The following KLF13 variants were observed in gnomAD, a reference collection of about 807,000 sequenced individuals.
KLF13 encodes the protein KLF transcription factor 13.
KLF13 carries 8 observed loss-of-function variants against 16.7 expected under a neutral mutation model. The ratio of observed to expected loss-of-function variants is 0.48; its 90% CI spans 0.28 to 0.87. KLF13 has a LOEUF of 0.87. Among genes scored for constraint, KLF13 ranks in the 40% least tolerant of loss-of-function variants. The pLI, the probability that KLF13 is intolerant of heterozygous loss-of-function variation, is 0.10. For synonymous variants in KLF13, 245 were observed against 208.4 expected, an observed-to-expected ratio of 1.18 and a Z score of -1.51; for missense variants, 447 against 452.2, an observed-to-expected ratio of 0.99 and a Z score of 0.10.
chr15:31,339,923 G>A, intron 1 of KLF13: 2 of 702,186 alleles, frequency 2.8e-6, no homozygotes, highest in Non-Finnish European at 5.2e-6. Context: ...ATTTCACTGG[G>A]CTTCCCTGCT....
chr15:31,351,816 T>C (rs906929088), intron 1 of KLF13, among the ~76,000 whole-genome samples: 1 of 152,102 alleles, frequency 6.6e-6, no homozygotes, highest in Non-Finnish European at 1.5e-5. Flanking sequence ...TCAAGACTAC[T>C]GGCCTGGCCA....
intron 1 of KLF13, among the ~76,000 whole-genome samples, chr15:31,353,940 G>A (rs1315239703): frequency 6.6e-6 from 1 of 152,204 alleles, no homozygotes; most frequent in East Asian, 1.9e-4. Context: ...CCACAGCCCT[G>A]CCTAGCTTGA....
At position 31,377,377 on chromosome 15, in the gene KLF13, C is replaced by T. The variant is rs982022011; in HGVS notation, c.*5078C>T. The T allele has an allele frequency of 3.3e-5, 5 of 152,648 alleles. No individual in the cohort carries two copies. In the East Asian group the frequency reaches 9.6e-4, roughly 29 times the overall value. 9.5% of individuals were successfully genotyped at this position (152,648 alleles called of 1,614,324 possible). On this transcript the variant is annotated 3_prime_UTR_variant, in exon 2 of 2. Transcript: ENST00000307145. Reference sequence around the variant, plus strand: ...AAGCCTCAGCAGAAAGGAGGCACTACTGAGCAACTATGCATTGTCATTGTC... The same window carrying T: ...AAGCCTCAGCAGAAAGGAGGCACTATTGAGCAACTATGCATTGTCATTGTC...
At chr15:31,397,255 C>T (rs2039965917) in intron 2 of KLF13, among the ~76,000 whole-genome samples, 1 of 123,944 alleles carries the variant, frequency 8.1e-6, no homozygotes. Flanking sequence ...GCGGGCAGGG[C>T]AGGGCAGGGC....
intron 2 of KLF13, among the ~76,000 whole-genome samples, chr15:31,396,046 A>ACGGAGTTT (rs2039947689): frequency 6.6e-6 from 1 of 151,796 alleles, no homozygotes; most frequent in Non-Finnish European, 1.5e-5. Context: ...TTTTTTTGAG[A>ACGGAGTTT]CGGAGTTTCG....
chr15:31,398,417 G>A (rs566081956), intron 2 of KLF13, among the ~76,000 whole-genome samples: 4 of 152,324 alleles, frequency 2.6e-5, no homozygotes, highest in Admixed American at 2.6e-4. Context: ...TGTAGTGGCT[G>A]GGAGCAGAGC....
intron 1 of KLF13, among the ~76,000 whole-genome samples, chr15:31,342,698 T>C (rs945030455): frequency 6.6e-6 from 1 of 152,244 alleles, no homozygotes; most frequent in Non-Finnish European, 1.5e-5. Flanking sequence ...TGCGGATATA[T>C]GTATTTTTTT....
intron 1 of KLF13, among the ~76,000 whole-genome samples, chr15:31,331,144 C>T (rs1353594510): frequency 6.6e-6 from 1 of 152,228 alleles, no homozygotes; most frequent in Non-Finnish European, 1.5e-5. Flanking sequence ...GTTTTCAAAA[C>T]TGCTCTGTGC....
At chr15:31,359,323 T>C (rs797007034) in intron 1 of KLF13, among the ~76,000 whole-genome samples, 68 of 152,314 alleles carry the variant, frequency 4.5e-4, no homozygotes, top group African/African-American at 1.5e-3. Flanking sequence ...AACGGAAATT[T>C]TCAAGTGTGT....
intron 1 of KLF13, among the ~76,000 whole-genome samples, chr15:31,361,408 G>A (rs143592911): frequency 3.3e-5 from 5 of 152,288 alleles, no homozygotes; most frequent in Non-Finnish European, 7.4e-5. Context: ...CCTGTCTTCC[G>A]GGTTGGTAGA....
chr15:31,334,124 T>G (rs2038885679), intron 1 of KLF13, among the ~76,000 whole-genome samples: 1 of 152,198 alleles, frequency 6.6e-6, no homozygotes, highest in Non-Finnish European at 1.5e-5. Flanking sequence ...GCTTTTGAAG[T>G]CAAAGGACCA....
intron 1 of KLF13, among the ~76,000 whole-genome samples, chr15:31,413,407 A>G (rs554147756): frequency 5.3e-5 from 8 of 152,292 alleles, no homozygotes; most frequent in African/African-American, 1.9e-4. Context: ...AAATTAGAAA[A>G]GATTTACGAA....
At chr15:31,364,266 G>A (rs762440405) in intron 1 of KLF13, among the ~76,000 whole-genome samples, 26 of 152,166 alleles carry the variant, frequency 1.7e-4, no homozygotes, top group Non-Finnish European at 3.7e-4. Flanking sequence ...AAATATCTTC[G>A]CAAGCATTGT....
At chr15:31,424,438 T>A (rs577457595) in intron 1 of KLF13, among the ~76,000 whole-genome samples, 1 of 152,190 alleles carries the variant, frequency 6.6e-6, no homozygotes, top group South Asian at 2.1e-4. Flanking sequence ...CAATGTAATA[T>A]CACATTAAAA....
At chr15:31,383,668 A>C (rs534913922) in intron 1 of KLF13, among the ~76,000 whole-genome samples, 1 of 152,366 alleles carries the variant, frequency 6.6e-6, no homozygotes, top group East Asian at 1.9e-4. Flanking sequence ...TGGGAGGCCA[A>C]GGCGGGCAGA....
chr15:31,423,430 G>A (rs2040368461), intron 1 of KLF13, among the ~76,000 whole-genome samples: 2 of 151,692 alleles, frequency 1.3e-5, no homozygotes, highest in South Asian at 4.2e-4. Flanking sequence ...TCAGGAGTTC[G>A]AGACCAGGCT....
intron 1 of KLF13, among the ~76,000 whole-genome samples, chr15:31,357,444 C>T (rs573781074): frequency 5.7e-4 from 87 of 152,360 alleles, no homozygotes; most frequent in Non-Finnish European, 9.8e-4. Flanking sequence ...GGGTGCCCAT[C>T]AGGCTCAGCG....
chr15:31,353,330 G>T (rs1039649827), intron 1 of KLF13, among the ~76,000 whole-genome samples: 2 of 152,268 alleles, frequency 1.3e-5, no homozygotes, highest in Admixed American at 1.3e-4. Context: ...TGTCCCAGGC[G>T]TTCTGTAACC....
intron 1 of KLF13, among the ~76,000 whole-genome samples, chr15:31,368,891 A>G (rs763144804): frequency 6.6e-6 from 1 of 152,126 alleles, no homozygotes; most frequent in Non-Finnish European, 1.5e-5. Flanking sequence ...TTGCAACAAA[A>G]AAAATCCTCT....
Sources: gnomAD v4.1 joint callset for allele counts (sites outside exome capture counted in the v4.1 genomes callset) on GRCh38, gnomAD v4.1.1 for gene constraint, MANE v1.5 for transcripts, NCBI Gene and HGNC (gene_info 2026-07-23, HGNC 2026-07-21) for gene names.